Variants in TTC6 observed in about 807,000 individuals in gnomAD.
The protein encoded by TTC6 is tetratricopeptide repeat domain 6, also known as tetratricopeptide repeat protein 6.
Under a neutral mutation model 210.4 loss-of-function variants are expected in TTC6, and 172 were observed. The ratio of observed to expected loss-of-function variants is 0.82; its 90% CI spans 0.72 to 0.93. The LOEUF (loss-of-function observed/expected upper bound fraction) is 0.93, where lower values mean the gene tolerates loss of function less well. TTC6 is among the 40% of genes least tolerant of loss of function. The pLI is 0.00. For missense variants in TTC6, 2,414 were observed against 2,318.1 expected (o/e 1.04, Z -0.85); for synonymous variants, 804 against 819.6 (o/e 0.98, Z 0.32).
At chr14:37,812,827 G>T (rs2096132781) in intron 25 of TTC6, among the ~76,000 whole-genome samples, 1 of 152,028 alleles carries the variant, frequency 6.6e-6, no homozygotes, top group Non-Finnish European at 1.5e-5. Context: ...TTCAAACAGG[G>T]CAGGAAATAG....
At chr14:37,680,175 T>G in exon 2 of TTC6, 2 of 1,532,338 alleles carry the variant, frequency 1.3e-6, no homozygotes, top group Non-Finnish European at 8.7e-7. Flanking sequence ...GGGAAAAATG[T>G]ACCTCAAAAC....
At chr14:37,748,859 A>C in intron 10 of TTC6, 80 bp from the exon 13 acceptor site, 1 of 1,123,050 alleles carries the variant, frequency 8.9e-7, no homozygotes. Flanking sequence ...TAGTAGTTTT[A>C]TGTGTGGCTG....
chr14:37,834,825 A>G (rs1413268354), intron 29 of TTC6, among the ~76,000 whole-genome samples: 1 of 152,042 alleles, frequency 6.6e-6, no homozygotes, highest in African/African-American at 2.4e-5. Flanking sequence ...AGTAGCTTCC[A>G]TAGGGAAAGA....
chr14:37,609,772 C>T (rs1219597848), intron 2 of TTC6, among the ~76,000 whole-genome samples: 1 of 152,002 alleles, frequency 6.6e-6, no homozygotes, highest in Non-Finnish European at 1.5e-5. Flanking sequence ...GGGATGGTAC[C>T]ATGAACAATT....
chr14:37,717,687 T>C (rs1273147880), intron 6 of TTC6, among the ~76,000 whole-genome samples: 1 of 152,074 alleles, frequency 6.6e-6, no homozygotes, highest in Non-Finnish European at 1.5e-5. Flanking sequence ...GAGGGAAGAC[T>C]TCTCAATTCA....
exon 1 of TTC6, chr14:37,622,475 A>C: frequency 1.3e-6 from 2 of 1,534,982 alleles, no homozygotes; most frequent in Non-Finnish European, 1.7e-6. Context: ...AAAAGCCCCC[A>C]GTCATCGCCT....
intron 14 of TTC6, among the ~76,000 whole-genome samples, chr14:37,756,325 A>G (rs2095967564): frequency 6.6e-6 from 1 of 152,150 alleles, no homozygotes; most frequent in South Asian, 2.1e-4. Flanking sequence ...CTCTTCCTAT[A>G]TGAATATGCT....
Position 37,807,471 on chromosome 14 carries a change from T to C in TTC6, c.4455+11T>C. On this transcript the variant is annotated intron_variant, in intron 23 of 30. Transcript: ENST00000553443. ...AAATACTACAACAAGGTAGGGCCAT[T>C]TCCTGCCTGGTTTACCGAAATTTTA... is the stretch of plus-strand genomic sequence containing the variant. 1 of 1,464,188 alleles carries C rather than the reference T, an allele frequency of 6.8e-7. No individual in the cohort carries two copies. Among genetic ancestry groups the C allele is most frequent in the East Asian group, 2.5e-5 (1 of 40,208 alleles). The allele number at this position is 1,464,188 out of a possible 1,614,324, so 90.7% of individuals were successfully genotyped here.
In TTC6 at chr14:37,732,369, C is replaced by G. The variant is rs1262111621; in HGVS notation, c.1819-3552C>G. Reference sequence around the variant, plus strand: ...TGCTAATTTTTCGTATTTTTTAGTACAGATGGGGTTTCACCGTGTTAGCCA... The same window carrying G: ...TGCTAATTTTTCGTATTTTTTAGTAGAGATGGGGTTTCACCGTGTTAGCCA... On this transcript the variant is annotated intron_variant, in intron 7 of 30. Coordinates refer to ENST00000553443, the Ensembl canonical transcript of TTC6. Among the ~76,000 whole-genome samples the G allele has an allele frequency of 5.6e-4, 84 of 150,434 alleles. 3 individuals carry two copies. Among genetic ancestry groups the G allele is most frequent in the South Asian group, 6.4e-4 (3 of 4,718 alleles).
At chr14:37,622,652 G>A in exon 1 of TTC6, 6 of 1,535,152 alleles carry the variant, frequency 3.9e-6, no homozygotes, top group African/African-American at 1.4e-5. Flanking sequence ...CTCTCGCAGG[G>A]CCCTGCATGG....
chr14:37,795,502 G>A (rs1206391360), intron 18 of TTC6, 150 bp downstream of exon 20: 10 of 522,870 alleles, frequency 1.9e-5, no homozygotes, highest in Non-Finnish European at 3.3e-5. Context: ...AAGCCAGTTT[G>A]TTAAACTTTG....
At chr14:37,771,469 A>G (rs1442439744) in intron 14 of TTC6, among the ~76,000 whole-genome samples, 1 of 152,126 alleles carries the variant, frequency 6.6e-6, no homozygotes, top group Non-Finnish European at 1.5e-5. Context: ...GTCTTTTCAC[A>G]TAGTCCCATA....
At chr14:37,775,044 G>A (rs2096032795) in intron 14 of TTC6, among the ~76,000 whole-genome samples, 1 of 152,052 alleles carries the variant, frequency 6.6e-6, no homozygotes, top group Non-Finnish European at 1.5e-5. Context: ...TAGTCTCAGA[G>A]GGTTTTTGTT....
intron 14 of TTC6, among the ~76,000 whole-genome samples, chr14:37,768,158 A>G (rs1178208081): frequency 6.7e-6 from 1 of 150,034 alleles, no homozygotes; most frequent in Non-Finnish European, 1.5e-5. Flanking sequence ...CCATTGATCT[A>G]TATCTCTGTT....
At chr14:37,703,186 A>G (rs2095828796) in intron 5 of TTC6, among the ~76,000 whole-genome samples, 1 of 152,058 alleles carries the variant, frequency 6.6e-6, no homozygotes, top group Admixed American at 6.6e-5. Context: ...ACACAAGCCA[A>G]GCATCATTTG....
At chr14:37,791,089 C>A (rs968790053) in intron 16 of TTC6, among the ~76,000 whole-genome samples, 1 of 152,134 alleles carries the variant, frequency 6.6e-6, no homozygotes, top group African/African-American at 2.4e-5. Context: ...GGAGTTAAAT[C>A]TATGGATAAG....
chr14:37,666,282 G>A lies in TTC6; in HGVS notation c.940-13869G>A, dbSNP rs1253707660. The stretch of plus-strand genomic sequence containing the variant: ...TCTGCTTTATACACTGGGCCTCCAA[G>A]TATGAGTTTGTTTGACAGATAGGTC... On this transcript the variant is annotated intron_variant, in intron 1 of 30. Transcript: ENST00000553443. 5.3e-5 allele frequency among the ~76,000 whole-genome samples: 8 copies of A among 149,586 alleles called. 1 individual carries two copies. The highest frequency in any genetic ancestry group is 1.0e-4 in the Non-Finnish European group (7 of 66,704).
intron 14 of TTC6, chr14:37,772,506 G>A (rs67254445): frequency 0.24 from 37,107 of 152,852 alleles, 4,779 homozygotes; most frequent in South Asian, 0.29. Context: ...TAACCTCGTA[G>A]TGTGCCGTTT....
In TTC6 at chr14:37,807,300, C is replaced by T. The variant is rs1034591135; in HGVS notation, c.4315-20C>T. On this transcript the variant is annotated intron_variant, in intron 22 of 30. Coordinates refer to ENST00000553443, the Ensembl canonical transcript of TTC6. ...TTACTAAAGCATCCATTCCTGCTTT[C>T]TCTCTCTCTCTCTGAATAGGCATAT... 2.4e-5 allele frequency: 25 copies of T among 1,054,208 alleles called. No individual in the cohort carries two copies. The highest frequency in any genetic ancestry group is 3.0e-5 in the Non-Finnish European group (24 of 798,512). 65.3% of individuals were successfully genotyped at this position (1,054,208 alleles called of 1,614,324 possible). A position where few individuals can be genotyped will look rare whatever the true frequency, so the allele number is the denominator to read the frequency against.
Sources: allele counts gnomAD v4.1 joint callset (sites outside exome capture counted in the v4.1 genomes callset), GRCh38; gene constraint gnomAD v4.1.1; transcripts MANE v1.5; gene names NCBI Gene and HGNC (gene_info 2026-07-23, HGNC 2026-07-21).